Variants in ADAMTS17 observed in about 807,000 individuals in gnomAD.
ADAMTS17 encodes the protein ADAM metallopeptidase with thrombospondin type 1 motif 17, also known as A disintegrin and metalloproteinase with thrombospondin motifs 17.
Under a neutral mutation model 141.5 loss-of-function variants are expected in ADAMTS17, and 113 were observed. The observed-to-expected ratio is 0.80, with a 90% CI of 0.69 to 0.93. The LOEUF (loss-of-function observed/expected upper bound fraction) is 0.93, where lower values mean the gene tolerates loss of function less well. ADAMTS17 is among the 40% of genes least tolerant of loss of function. The pLI, the probability that ADAMTS17 is intolerant of heterozygous loss-of-function variation, is 0.00. For synonymous variants in ADAMTS17, 768 were observed against 630.6 expected, an observed-to-expected ratio of 1.22 and a Z score of -3.27; for missense variants, 1,659 against 1,517.9, an observed-to-expected ratio of 1.09 and a Z score of -1.54.
chr15:100,234,891 C>T (rs112502952), intron 7 of ADAMTS17, among the ~76,000 whole-genome samples: 3 of 152,182 alleles, frequency 2.0e-5, no homozygotes, highest in South Asian at 2.1e-4. Flanking sequence ...TTTGTAACCA[C>T]GGGGTAGAGG....
At position 100,097,438 on chromosome 15, in the gene ADAMTS17, G is replaced by T. The variant is rs139555526; in HGVS notation, c.2017-962C>A. Among the ~76,000 whole-genome samples, 1,313 of 152,246 alleles carry T rather than the reference G, an allele frequency of 8.6e-3. 20 individuals are homozygous for T. Among genetic ancestry groups the T allele is most frequent in the African/African-American group, 0.029 (1,222 of 41,540 alleles). On this transcript the variant is annotated intron_variant, in intron 14 of 21. Transcript: ENST00000268070. ...GGTGGAGGTGAGTTAGCCCCTTCCC[G>T]TGATGCCTGGACGAGAAGCAGCACC...
At chr15:100,323,084 CA>C (rs60468549) in intron 3 of ADAMTS17, among the ~76,000 whole-genome samples, 18,542 of 106,250 alleles carry the variant, frequency 0.17, 675 homozygotes, top group Admixed American at 0.29. Flanking sequence ...GACTCCGTCT[CA>C]AAAAAAAAAA....
rs182052815 is a variant in ADAMTS17 at position 100,098,763 on chromosome 15, C to T, written c.2017-2287G>A. ...AAACGCCGAGACCAAATCTGTGAGA[C>T]CACGTGTCTGTTGCTTTGTTTCACT... On this transcript the variant is annotated intron_variant, in intron 14 of 21. Transcript: ENST00000268070. Among the ~76,000 whole-genome samples the T allele has an allele frequency of 2.2e-3, 335 of 152,292 alleles. 1 individual carries two copies. Among genetic ancestry groups the T allele is most frequent in the African/African-American group, 7.7e-3 (322 of 41,558 alleles).
At chr15:99,998,055 A>T (rs368260142) in intron 18 of ADAMTS17, among the ~76,000 whole-genome samples, 1 of 152,128 alleles carries the variant, frequency 6.6e-6, no homozygotes, top group African/African-American at 2.4e-5. Context: ...GACAGCCCGC[A>T]CCACTACCGC....
chr15:100,044,174 G>A (rs1242118729), intron 18 of ADAMTS17, among the ~76,000 whole-genome samples: 1 of 152,144 alleles, frequency 6.6e-6, no homozygotes, highest in Non-Finnish European at 1.5e-5. Context: ...GAAACATGAA[G>A]ATGTGATCTG....
intron 18 of ADAMTS17, among the ~76,000 whole-genome samples, chr15:100,019,020 A>G (rs2061348029): frequency 6.6e-6 from 1 of 152,218 alleles, no homozygotes; most frequent in South Asian, 2.1e-4. Context: ...AGAAAACGAC[A>G]TTCACTCCAT....
intron 14 of ADAMTS17, among the ~76,000 whole-genome samples, chr15:100,107,926 A>G (rs1289801665): frequency 6.6e-6 from 1 of 152,100 alleles, no homozygotes; most frequent in Non-Finnish European, 1.5e-5. Flanking sequence ...CCGAGTCACC[A>G]GGGAGTATGG....
At chr15:100,116,678 G>A (rs2037151500) in intron 13 of ADAMTS17, among the ~76,000 whole-genome samples, 169 bp downstream of exon 13, 1 of 152,266 alleles carries the variant, frequency 6.6e-6, no homozygotes, top group African/African-American at 2.4e-5. Context: ...GTCATTCAAG[G>A]TCAACCCCAC....
chr15:99,981,004 C>T (rs1002183040), intron 20 of ADAMTS17, among the ~76,000 whole-genome samples: 1 of 152,242 alleles, frequency 6.6e-6, no homozygotes, highest in African/African-American at 2.4e-5. Context: ...CCACAACAAT[C>T]CTCAGGGCTG....
At chr15:100,196,526 C>T (rs79291176) in intron 8 of ADAMTS17, among the ~76,000 whole-genome samples, 3 of 152,382 alleles carry the variant, frequency 2.0e-5, no homozygotes, top group East Asian at 1.9e-4. Context: ...CACACCTTTG[C>T]GTGCTGTGTG....
chr15:100,281,672 A>G (rs1199725399), intron 3 of ADAMTS17, among the ~76,000 whole-genome samples: 4 of 152,204 alleles, frequency 2.6e-5, no homozygotes, highest in African/African-American at 9.6e-5. Flanking sequence ...AATGGGGCTG[A>G]GGGGAACAGA....
At chr15:100,074,690 C>G (rs1421900561) in intron 15 of ADAMTS17, among the ~76,000 whole-genome samples, 1 of 152,002 alleles carries the variant, frequency 6.6e-6, no homozygotes, top group Non-Finnish European at 1.5e-5. Context: ...TCTTATGCTT[C>G]CTTTGTTGGA....
chr15:100,065,653 T>C (rs941282809), intron 15 of ADAMTS17, among the ~76,000 whole-genome samples: 8 of 152,222 alleles, frequency 5.3e-5, no homozygotes, highest in South Asian at 2.1e-4. Context: ...CCGAAAAAGA[T>C]TGTTACTGTG....
intron 4 of ADAMTS17, among the ~76,000 whole-genome samples, chr15:100,272,747 A>G (rs1243482231): frequency 6.6e-6 from 1 of 151,092 alleles, no homozygotes; most frequent in Non-Finnish European, 1.5e-5. Context: ...AGAAGTAGCA[A>G]AAGCAGGCAC....
intron 3 of ADAMTS17, among the ~76,000 whole-genome samples, chr15:100,288,295 A>G (rs2044513605): frequency 1.3e-5 from 2 of 152,250 alleles, no homozygotes; most frequent in Non-Finnish European, 2.9e-5. Flanking sequence ...ATAATGGTAA[A>G]GGGTTCAATT....
At chr15:100,147,629 G>A (rs926730563) in intron 10 of ADAMTS17, among the ~76,000 whole-genome samples, 1 of 152,140 alleles carries the variant, frequency 6.6e-6, no homozygotes, top group South Asian at 2.1e-4. Context: ...AATCTCACAG[G>A]ACCACCAGCA....
At chr15:100,267,089 A>C (rs1306912549) in intron 4 of ADAMTS17, among the ~76,000 whole-genome samples, 1 of 152,132 alleles carries the variant, frequency 6.6e-6, no homozygotes, top group Non-Finnish European at 1.5e-5. Context: ...TTATTGTACA[A>C]TTAACCTCCA....
At chr15:100,075,301 AT>A (rs1224977653) in intron 15 of ADAMTS17, among the ~76,000 whole-genome samples, 1 of 152,062 alleles carries the variant, frequency 6.6e-6, no homozygotes, top group African/African-American at 2.4e-5. Context: ...TTTGTTATGC[AT>A]TTTTCTGCCA....
At chr15:100,094,126 T>C (rs942837257) in intron 15 of ADAMTS17, among the ~76,000 whole-genome samples, 2 of 152,188 alleles carry the variant, frequency 1.3e-5, no homozygotes, top group Non-Finnish European at 2.9e-5. Context: ...AATGAATGTG[T>C]GACAATTGGC....
Sources: gnomAD v4.1 joint callset for allele counts (sites outside exome capture counted in the v4.1 genomes callset) on GRCh38, gnomAD v4.1.1 for gene constraint, MANE v1.5 for transcripts, NCBI Gene and HGNC (gene_info 2026-07-23, HGNC 2026-07-21) for gene names.